The following MMP27 variants were observed in gnomAD, a reference collection of about 807,000 sequenced individuals.
MMP27 encodes the protein matrix metallopeptidase 27.
In MMP27, 51 loss-of-function variants were observed where a neutral mutation model predicts 48.1. The observed-to-expected ratio is 1.06, with a 90% CI of 0.85 to 1.34. The LOEUF (loss-of-function observed/expected upper bound fraction) is 1.34. MMP27 is among the 40% of genes most tolerant of loss of function. MMP27 has a pLI of 0.00. For missense variants in MMP27, 698 were observed against 619.3 expected (o/e 1.13, Z -1.35); for synonymous variants, 229 against 208.9 (o/e 1.10, Z -0.83).
intron 4 of MMP27, among the ~76,000 whole-genome samples, chr11:102,698,865 G>T (rs1225117694): frequency 6.6e-6 from 1 of 152,120 alleles, no homozygotes; most frequent in East Asian, 1.9e-4. Context: ...TATCCAGGTT[G>T]AGTTAAATGC....
At chr11:102,702,619 A>G in intron 4 of MMP27, 134 bp downstream of exon 4, 2 of 1,017,594 alleles carry the variant, frequency 2.0e-6, no homozygotes, top group Non-Finnish European at 2.9e-6. Context: ...ACTTCCATCA[A>G]GGTCATCTTG....
intron 4 of MMP27, among the ~76,000 whole-genome samples, chr11:102,701,300 T>TAA (rs34278454): frequency 2.6e-5 from 4 of 151,172 alleles, no homozygotes; most frequent in South Asian, 2.1e-4. Flanking sequence ...ACATCGGACT[T>TAA]AAAAAAAAAT....
intron 4 of MMP27, among the ~76,000 whole-genome samples, chr11:102,701,611 T>C (rs1339201070): frequency 6.6e-6 from 1 of 152,174 alleles, no homozygotes; most frequent in African/African-American, 2.4e-5. Flanking sequence ...TTTCCTCTCT[T>C]GCTTGGGTGA....
chr11:102,694,479 G>A (rs769028474), intron 7 of MMP27, among the ~76,000 whole-genome samples: 1 of 152,124 alleles, frequency 6.6e-6, no homozygotes, highest in African/African-American at 2.4e-5. Flanking sequence ...GCTCTCAAAG[G>A]CTAGTAATCT....
At chr11:102,701,525 A>T (rs1395526855) in intron 4 of MMP27, among the ~76,000 whole-genome samples, 2 of 152,218 alleles carry the variant, frequency 1.3e-5, no homozygotes, top group African/African-American at 4.8e-5. Flanking sequence ...ACACACCCGC[A>T]GTGTCTTCAG....
rs575990572 is a variant in MMP27 at position 102,696,501 on chromosome 11, G to GA, written c.782-11dup. On this transcript the variant is annotated splice_polypyrimidine_tract_variant and intron_variant, in intron 5 of 9. Transcript: ENST00000260229. ...TCCTTAGGCAGACCTCCTTTGATGA[G>GA]AAAAAAAATACCACAATGAATTAAG... is the stretch of plus-strand genomic sequence containing the variant. The GA allele has an allele frequency of 3.7e-5, 59 of 1,604,854 alleles. No individual in the cohort carries two copies. In the East Asian group the frequency reaches 9.2e-4, roughly 25 times the overall value.
chr11:102,702,210 C>A (rs1860952684), intron 4 of MMP27, among the ~76,000 whole-genome samples: 1 of 152,220 alleles, frequency 6.6e-6, no homozygotes, highest in African/African-American at 2.4e-5. Flanking sequence ...GATTCCTTTG[C>A]AGCTGGGCAA....
chr11:102,704,075 A>G (rs989320683), intron 2 of MMP27, among the ~76,000 whole-genome samples: 19 of 152,146 alleles, frequency 1.2e-4, no homozygotes, highest in South Asian at 4.1e-4. Context: ...TCTGAGGGAA[A>G]CACCCTACTT....
chr11:102,696,673 C>T lies in MMP27; in HGVS notation c.781+1G>A, dbSNP rs771119851. ...ATATTGAGATTTATAATTTTGCTCA[C>T]CATAGATGGACTGGATTCCATTGAT... On this transcript the variant is annotated splice_donor_variant, in intron 5 of 9. Transcript: ENST00000260229. LOFTEE classifies it high-confidence loss of function. 1.2e-6 allele frequency: 2 copies of T among 1,609,514 alleles called. No homozygotes were observed. The highest frequency in any genetic ancestry group is 1.3e-5 in the African/African-American group (1 of 74,660).
In MMP27 at chr11:102,704,722, T is replaced by A; in HGVS notation, c.156A>T (p.Gln52His). The A allele has an allele frequency of 6.2e-7, 1 of 1,613,816 alleles. No individual in the cohort carries two copies. Among genetic ancestry groups the A allele is most frequent in the Non-Finnish European group, 8.5e-7 (1 of 1,179,924 alleles). ...SLEIEGNHLV[Q>H]SKNRSLIDDK... ...CATCTATGAGACTCCTATTCTTGCT[T>A]TGAACAAGATGATTCCCTTCTATTT... The change falls in exon 2 of 10, where the codon CAA (glutamine) becomes CAT (histidine). Residue 52 changes from glutamine to histidine, a missense_variant. Transcript: ENST00000260229.
chr11:102,695,050 A>G lies in MMP27; in HGVS notation c.950T>C (p.Leu317Ser). ...YYDITDVEFE[L>S]IASFWPSLPA... is the part of the protein sequence containing the mutation. The stretch of plus-strand genomic sequence containing the variant: ...CAGAGATGGCCAGAATGAAGCAATT[A>G]ATTCAAACTCAACATCCGTGATATC... Residue 317 changes from leucine (L) to serine (S), a missense_variant, in exon 7 of 10, where the codon TTA becomes TCA. Transcript: ENST00000260229. 1 of 1,614,048 alleles carries G rather than the reference A, an allele frequency of 6.2e-7. No homozygotes were observed. The highest frequency in any genetic ancestry group is 8.5e-7 in the Non-Finnish European group (1 of 1,179,946).
intron 4 of MMP27, among the ~76,000 whole-genome samples, chr11:102,699,280 A>G (rs1860892085): frequency 6.6e-6 from 1 of 151,960 alleles, no homozygotes. Context: ...CAGCCTGGGT[A>G]ACATGGAGAA....
Position 102,695,089 on chromosome 11 carries a change from C to A in MMP27, c.911G>T (p.Trp304Leu), listed in dbSNP as rs35616217. The change falls in exon 7 of 10, where the codon TGG becomes TTG. Residue 304 changes from tryptophan (W) to leucine (L), a missense_variant. Coordinates refer to ENST00000260229, the MANE Select transcript of MMP27 (RefSeq NM_022122.3). The stretch of plus-strand genomic sequence containing the variant: ...ATCCGTGATATCATAATAGATCCTC[C>A]ATAGGTGCCTGTGTTAAACAAAAAA... ...EVMFFKGRHL[W>L]RIYYDITDVE... 12,694 of 1,613,582 alleles carry A rather than the reference C, an allele frequency of 7.9e-3. 79 individuals are homozygous for A. Among genetic ancestry groups the A allele is most frequent in the Admixed American group, 0.011 (656 of 59,984 alleles).
At chr11:102,695,142 G>A (rs1425860648) in intron 6 of MMP27, 45 bp from the exon 7 acceptor site, 1 of 1,585,594 alleles carries the variant, frequency 6.3e-7, no homozygotes, top group South Asian at 1.1e-5. Flanking sequence ...CTATTTCCAT[G>A]TCAATGAGAA....
At chr11:102,701,946 C>T (rs1356524675) in intron 4 of MMP27, among the ~76,000 whole-genome samples, 2 of 152,202 alleles carry the variant, frequency 1.3e-5, no homozygotes, top group African/African-American at 2.4e-5. Context: ...CTGTGCTTTC[C>T]TGTGACTCTG....
chr11:102,703,551 C>A (rs919171466), intron 2 of MMP27, among the ~76,000 whole-genome samples: 8 of 151,566 alleles, frequency 5.3e-5, no homozygotes, highest in African/African-American at 1.9e-4. Flanking sequence ...GAGACAGAGT[C>A]TCGCTCTGTC....
At chr11:102,701,722 C>T (rs894980388) in intron 4 of MMP27, among the ~76,000 whole-genome samples, 2 of 152,198 alleles carry the variant, frequency 1.3e-5, no homozygotes, top group African/African-American at 4.8e-5. Context: ...GCTGCCTGAA[C>T]CTCAGCCAGT....
In MMP27 at chr11:102,691,793, C is replaced by T. The variant is rs1460756830; in HGVS notation, c.1515G>A (p.Leu505=). The T allele has an allele frequency of 1.9e-6, 3 of 1,601,368 alleles. No homozygotes were observed. Among genetic ancestry groups the T allele is most frequent in the Admixed American group, 3.4e-5 (2 of 59,198 alleles). ...ATTGATAAATAGAAGTGTTTTTCAGCAAATGAACAATACCAAAAATAAACA... is the reference window on the plus strand; with the variant it reads ...ATTGATAAATAGAAGTGTTTTTCAGTAAATGAACAATACCAAAAATAAACA... ...LSLFIFGIVH[L]LKNTSIYQ The change falls in exon 10 of 10, where the codon TTG becomes TTA. Residue 505 remains leucine, a synonymous_variant. Transcript: ENST00000260229.
intron 4 of MMP27, among the ~76,000 whole-genome samples, chr11:102,700,530 C>A (rs921117902): frequency 6.6e-6 from 1 of 152,072 alleles, no homozygotes; most frequent in Non-Finnish European, 1.5e-5. Context: ...TTTATTTCAC[C>A]CTCCTAAAAG....
Sources: allele counts gnomAD v4.1 joint callset (sites outside exome capture counted in the v4.1 genomes callset), GRCh38; gene constraint gnomAD v4.1.1; transcripts MANE v1.5; gene names NCBI Gene and HGNC (gene_info 2026-07-23, HGNC 2026-07-21).